The following TRHDE variants were observed in gnomAD, a reference collection of about 807,000 sequenced individuals.
The protein encoded by TRHDE is thyrotropin-releasing hormone-degrading ectoenzyme.
In TRHDE, 72 loss-of-function variants were observed where a neutral mutation model predicts 125.7. The observed-to-expected ratio is 0.57, with a 90% CI of 0.47 to 0.70. TRHDE has a LOEUF of 0.70. TRHDE is among the 30% of genes least tolerant of loss of function. The probability of loss-of-function intolerance (pLI) is 0.00; values close to 1 mark genes in which losing one functional copy is unlikely to be tolerated. For missense variants in TRHDE, 1,110 were observed against 1,327.1 expected, an observed-to-expected ratio of 0.84 and a Z score of 2.54; for synonymous variants, 509 against 509.1, an observed-to-expected ratio of 1.00 and a Z score of 0.00.
chr12:72,114,094 C>T (rs184590690), intron 2 of TRHDE, among the ~76,000 whole-genome samples: 49 of 151,648 alleles, frequency 3.2e-4, no homozygotes, highest in Non-Finnish European at 4.1e-4. Flanking sequence ...AATTTGGGTC[C>T]AAGAGTGATA....
intron 2 of TRHDE, among the ~76,000 whole-genome samples, chr12:72,301,629 T>G (rs1005174968): frequency 6.6e-6 from 1 of 152,192 alleles, no homozygotes; most frequent in Non-Finnish European, 1.5e-5. Flanking sequence ...CTTAACTAGA[T>G]TTGTGTATTC....
At chr12:72,296,817 G>T (rs370190170) in intron 2 of TRHDE, among the ~76,000 whole-genome samples, 4 of 152,150 alleles carry the variant, frequency 2.6e-5, no homozygotes, top group East Asian at 1.9e-4. Flanking sequence ...GAGCCAATAG[G>T]TTCTATTACA....
At chr12:72,541,025 TAACA>T (rs1015004121) in intron 6 of TRHDE, among the ~76,000 whole-genome samples, 1 of 151,654 alleles carries the variant, frequency 6.6e-6, no homozygotes. Context: ...ATCATTCTAG[TAACA>T]AACTGTGGAA....
rs547037472 is a variant in TRHDE at position 72,208,362 on chromosome 12, T to C, written n.279+102610T>C. On this transcript the variant is annotated intron_variant and non_coding_transcript_variant, in intron 2 of 4. Coordinates refer to the TRHDE transcript ENST00000548156. ...AGGGCACATTCCATGTATTTGCAGTTATTGTTCAGGTTCCACATGAATATC... is the reference window on the plus strand; with the variant it reads ...AGGGCACATTCCATGTATTTGCAGTCATTGTTCAGGTTCCACATGAATATC... 2.0e-5 allele frequency among the ~76,000 whole-genome samples: 3 copies of C among 152,308 alleles called. No individual in the cohort carries two copies. In the South Asian group the frequency reaches 6.2e-4, roughly 32 times the overall value.
intron 6 of TRHDE, among the ~76,000 whole-genome samples, chr12:72,522,192 G>A (rs1284145166): frequency 6.6e-6 from 1 of 152,112 alleles, no homozygotes; most frequent in African/African-American, 2.4e-5. Flanking sequence ...CATTCTGTCT[G>A]TGCTCTTAGT....
At chr12:72,327,558 C>A (rs1000493204) in intron 2 of TRHDE, among the ~76,000 whole-genome samples, 1 of 152,138 alleles carries the variant, frequency 6.6e-6, no homozygotes, top group African/African-American at 2.4e-5. Flanking sequence ...CAGAATTCAA[C>A]ACTATATTTA....
At chr12:72,242,569 C>T (rs1442997785) in intron 2 of TRHDE, among the ~76,000 whole-genome samples, 3 of 152,260 alleles carry the variant, frequency 2.0e-5, no homozygotes, top group East Asian at 3.9e-4. Flanking sequence ...TGCCAGTAGA[C>T]TCTCCTGCTT....
intron 2 of TRHDE, among the ~76,000 whole-genome samples, chr12:72,348,848 G>A (rs1221950776): frequency 6.6e-6 from 1 of 151,816 alleles, no homozygotes; most frequent in Non-Finnish European, 1.5e-5. Flanking sequence ...GAAATCATTT[G>A]TTTTTACATT....
chr12:72,157,233 G>T (rs867246856), intron 2 of TRHDE, among the ~76,000 whole-genome samples: 1 of 151,904 alleles, frequency 6.6e-6, no homozygotes, highest in African/African-American at 2.4e-5. Flanking sequence ...AGAATGTGAA[G>T]ACAGTGATAG....
intron 15 of TRHDE, among the ~76,000 whole-genome samples, chr12:72,624,957 A>G (rs1379531731): frequency 6.6e-6 from 1 of 151,868 alleles, no homozygotes; most frequent in East Asian, 1.9e-4. Context: ...CACAGAAAAG[A>G]TGATGGCCTT....
intron 2 of TRHDE, among the ~76,000 whole-genome samples, chr12:72,193,693 C>T (rs1334257474): frequency 2.6e-5 from 4 of 151,712 alleles, no homozygotes; most frequent in African/African-American, 9.7e-5. Context: ...AAATGATTAC[C>T]AATAATTTTG....
chr12:72,128,301 C>T (rs911463176), intron 2 of TRHDE, among the ~76,000 whole-genome samples: 1 of 152,118 alleles, frequency 6.6e-6, no homozygotes, highest in Non-Finnish European at 1.5e-5. Flanking sequence ...AAACTGTATT[C>T]CAGATTTGCC....
intron 2 of TRHDE, among the ~76,000 whole-genome samples, chr12:72,191,154 T>C (rs1877330886): frequency 6.6e-6 from 1 of 152,204 alleles, no homozygotes. Context: ...ATGTACTATG[T>C]CACTTACAGA....
intron 5 of TRHDE, among the ~76,000 whole-genome samples, chr12:72,493,649 G>T (rs955004660): frequency 6.6e-6 from 1 of 151,920 alleles, no homozygotes; most frequent in South Asian, 2.1e-4. Flanking sequence ...AAATCTTGAT[G>T]ATTTCATTAT....
chr12:72,652,580 A>T, intron 16 of TRHDE, 91 bp downstream of exon 16: 1 of 910,690 alleles, frequency 1.1e-6, no homozygotes, highest in Non-Finnish European at 1.6e-6. Flanking sequence ...ACTTGAATAT[A>T]TGCTAGTTAT....
intron 2 of TRHDE, among the ~76,000 whole-genome samples, chr12:72,301,916 G>A (rs1868266599): frequency 6.6e-6 from 1 of 152,134 alleles, no homozygotes; most frequent in Non-Finnish European, 1.5e-5. Context: ...TTGCTTATGA[G>A]GTGAAGACAG....
At chr12:72,329,438 TAGTAA>T (rs1869483291) in intron 2 of TRHDE, among the ~76,000 whole-genome samples, 1 of 152,228 alleles carries the variant, frequency 6.6e-6, no homozygotes, top group Non-Finnish European at 1.5e-5. Context: ...ACTCTGATGA[TAGTAA>T]ATGCATTGAA....
At chr12:72,265,347 T>C (rs1202586905) in intron 2 of TRHDE, among the ~76,000 whole-genome samples, 1 of 151,932 alleles carries the variant, frequency 6.6e-6, no homozygotes, top group African/African-American at 2.4e-5. Context: ...CTTCTGAGCC[T>C]GTATAGGGAT....
At chr12:72,621,392 T>C in intron 14 of TRHDE, 187 bp downstream of exon 14, 1 of 586,880 alleles carries the variant, frequency 1.7e-6, no homozygotes, top group South Asian at 2.2e-5. Flanking sequence ...AACAAAGACG[T>C]TTCCTTGCTG....
Sources: allele counts gnomAD v4.1 joint callset (sites outside exome capture counted in the v4.1 genomes callset), GRCh38; gene constraint gnomAD v4.1.1; transcripts MANE v1.5; gene names NCBI Gene and HGNC (gene_info 2026-07-23, HGNC 2026-07-21).